Variants in NSMCE2 observed in about 807,000 individuals in gnomAD.
NSMCE2 encodes the protein E3 SUMO-protein ligase NSE2.
In NSMCE2, 24 loss-of-function variants were observed where a neutral mutation model predicts 23.8. The observed-to-expected ratio is 1.01, with a 90% CI of 0.73 to 1.42. The LOEUF (loss-of-function observed/expected upper bound fraction) is 1.42, where lower values mean the gene tolerates loss of function less well. Ranked by LOEUF, NSMCE2 falls within the 40% of genes most tolerant of loss-of-function variation. The pLI is 0.00. For missense variants in NSMCE2, 284 were observed against 296.5 expected (o/e 0.96, Z 0.31); for synonymous variants, 92 against 94.1 (o/e 0.98, Z 0.13).
At chr8:125,236,396 A>G (rs1357938323) in intron 5 of NSMCE2, among the ~76,000 whole-genome samples, 1 of 152,182 alleles carries the variant, frequency 6.6e-6, no homozygotes, top group Non-Finnish European at 1.5e-5. Context: ...GATCCCATAC[A>G]TGTGTATTTC....
At chr8:125,338,284 G>GA (rs11411074) in intron 5 of NSMCE2, among the ~76,000 whole-genome samples, 93,748 of 144,486 alleles carry the variant, frequency 0.65, 31,995 homozygotes, top group Admixed American at 0.78. Context: ...ATGTTGGGTG[G>GA]AAAAAAAAAA....
intron 5 of NSMCE2, among the ~76,000 whole-genome samples, chr8:125,340,023 T>TTG (rs1328877722): frequency 6.9e-6 from 1 of 144,464 alleles, no homozygotes; most frequent in East Asian, 2.0e-4. Flanking sequence ...TTTTTTTTTT[T>TTG]TTTTTTTTTG....
rs892100162 is a variant in NSMCE2, at chr8:125,225,123, A to G, written c.418+42867A>G. On this transcript the variant is annotated intron_variant, in intron 5 of 7. Coordinates refer to ENST00000287437, the MANE Select transcript of NSMCE2 (RefSeq NM_173685.4). ...ATATTTGGCATATCTTTCTTAGGCT[A>G]TATGTGCTAATCCCTAACATGAGCT... is the stretch of plus-strand genomic sequence containing the variant. Among the ~76,000 whole-genome samples, 8 of 152,336 alleles carry G rather than the reference A, an allele frequency of 5.3e-5. No homozygotes were observed. The East Asian group carries it at 1.2e-3, about 22-fold the overall frequency.
intron 4 of NSMCE2, among the ~76,000 whole-genome samples, chr8:125,180,487 A>G (rs572270641): frequency 2.0e-5 from 3 of 152,214 alleles, no homozygotes; most frequent in Non-Finnish European, 4.4e-5. Flanking sequence ...GCAAAAGAAG[A>G]TTATGTCTTT....
At chr8:125,148,995 T>C (rs1309744755) in intron 3 of NSMCE2, among the ~76,000 whole-genome samples, 1 of 152,218 alleles carries the variant, frequency 6.6e-6, no homozygotes, top group Non-Finnish European at 1.5e-5. Flanking sequence ...AACATATATA[T>C]GTTGGTACCA....
At chr8:125,143,643 C>T (rs1265698028) in intron 3 of NSMCE2, among the ~76,000 whole-genome samples, 1 of 152,184 alleles carries the variant, frequency 6.6e-6, no homozygotes, top group East Asian at 1.9e-4. Flanking sequence ...CCTGTTCAGA[C>T]ATGCCTGTAC....
intron 5 of NSMCE2, among the ~76,000 whole-genome samples, chr8:125,299,056 GTTA>G (rs1345773902): frequency 6.6e-6 from 1 of 152,136 alleles, no homozygotes; most frequent in Non-Finnish European, 1.5e-5. Flanking sequence ...ATAATGTTCT[GTTA>G]TTTTCTTCTG....
At chr8:125,218,659 G>A (rs377337253) in intron 5 of NSMCE2, among the ~76,000 whole-genome samples, 1 of 152,074 alleles carries the variant, frequency 6.6e-6, no homozygotes, top group Admixed American at 6.5e-5. Flanking sequence ...TGATCCACCC[G>A]CCTCAGCCTT....
intron 5 of NSMCE2, among the ~76,000 whole-genome samples, chr8:125,344,949 T>C (rs1045389083): frequency 1.3e-5 from 2 of 152,020 alleles, no homozygotes; most frequent in African/African-American, 4.8e-5. Flanking sequence ...CTTTCAGATA[T>C]CTATACTTCT....
At position 125,154,054 on chromosome 8, in the gene NSMCE2, G is replaced by A. The variant is rs73348183; in HGVS notation, c.264+2777G>A. 1.2e-3 allele frequency among the ~76,000 whole-genome samples: 186 copies of A among 152,110 alleles called. 2 individuals carry two copies. Among genetic ancestry groups the A allele is most frequent in the African/African-American group, 4.1e-3 (172 of 41,516 alleles). ...TAAAATAAGATTATTTTTTTAAAAG[G>A]CAATTAATGGGAAGCCATACAAGTC... On this transcript the variant is annotated intron_variant, in intron 4 of 7. Coordinates refer to ENST00000287437, the MANE Select transcript of NSMCE2 (RefSeq NM_173685.4).
chr8:125,170,094 G>A (rs1486811149), intron 4 of NSMCE2, among the ~76,000 whole-genome samples: 1 of 144,756 alleles, frequency 6.9e-6, no homozygotes. Context: ...CATAGCATTT[G>A]TAGCTGTAAC....
rs538529323 is a variant in NSMCE2, at chr8:125,108,282, G to A, written c.157+5795G>A. Among the ~76,000 whole-genome samples, 470 of 152,298 alleles carry A rather than the reference G, an allele frequency of 3.1e-3. 3 individuals are homozygous for A. Among genetic ancestry groups the A allele is most frequent in the African/African-American group, 0.011 (453 of 41,556 alleles). The stretch of plus-strand genomic sequence containing the variant: ...GGGTAATTCAGCAAGAACTTGTTAG[G>A]GGAGCAGTGTTAATGTGATACCAGA... On this transcript the variant is annotated intron_variant, in intron 3 of 7. Coordinates refer to ENST00000287437, the MANE Select transcript of NSMCE2 (RefSeq NM_173685.4).
At chr8:125,171,092 T>C (rs962266560) in intron 4 of NSMCE2, among the ~76,000 whole-genome samples, 10 of 152,172 alleles carry the variant, frequency 6.6e-5, no homozygotes, top group Non-Finnish European at 2.9e-5. Flanking sequence ...CTCATTTTCT[T>C]TAGGTCTCTG....
At chr8:125,180,359 T>C (rs1367664747) in intron 4 of NSMCE2, among the ~76,000 whole-genome samples, 1 of 152,208 alleles carries the variant, frequency 6.6e-6, no homozygotes, top group East Asian at 1.9e-4. Context: ...ATCCAGCACT[T>C]GGGGGTTAGC....
chr8:125,140,780 A>G (rs1192147584), intron 3 of NSMCE2, among the ~76,000 whole-genome samples: 3 of 152,226 alleles, frequency 2.0e-5, no homozygotes, highest in East Asian at 3.8e-4. Flanking sequence ...AAGTCATGCA[A>G]CTGTAGGTAA....
chr8:125,336,170 C>T (rs1431444770), intron 5 of NSMCE2, among the ~76,000 whole-genome samples: 1 of 152,104 alleles, frequency 6.6e-6, no homozygotes, highest in Non-Finnish European at 1.5e-5. Flanking sequence ...TAAAAGCAAA[C>T]ACCTCTAGTA....
intron 5 of NSMCE2, among the ~76,000 whole-genome samples, chr8:125,257,759 C>T (rs1826506574): frequency 1.3e-5 from 2 of 152,120 alleles, no homozygotes; most frequent in Admixed American, 6.6e-5. Context: ...TGGTCTCGAT[C>T]TCCTGACTTC....
At chr8:125,094,175 C>G (rs937989602) in intron 1 of NSMCE2, among the ~76,000 whole-genome samples, 1 of 152,148 alleles carries the variant, frequency 6.6e-6, no homozygotes, top group African/African-American at 2.4e-5. Context: ...AGCTATGAAT[C>G]TGACTGAAGC....
At chr8:125,113,007 T>C (rs1057189350) in intron 3 of NSMCE2, among the ~76,000 whole-genome samples, 2 of 142,738 alleles carry the variant, frequency 1.4e-5, no homozygotes, top group Admixed American at 7.1e-5. Flanking sequence ...ATATATTTAA[T>C]TTTTGTCAAT....
Sources: allele counts gnomAD v4.1 joint callset (sites outside exome capture counted in the v4.1 genomes callset), GRCh38; gene constraint gnomAD v4.1.1; transcripts MANE v1.5; gene names NCBI Gene and HGNC (gene_info 2026-07-23, HGNC 2026-07-21).